SMYD1: variants seen among roughly 807,000 people sequenced by gnomAD.
SMYD1 encodes the protein SET and MYND domain containing 1, also known as histone-lysine N-methyltransferase SMYD1.
Under a neutral mutation model 54.0 loss-of-function variants are expected in SMYD1, and 49 were observed. The observed-to-expected ratio is 0.91, with a 90% confidence interval of 0.72 to 1.15. The LOEUF (loss-of-function observed/expected upper bound fraction) is 1.15, where lower values mean the gene tolerates loss of function less well. Ranked by LOEUF, SMYD1 falls within the 50% of genes most tolerant of loss-of-function variation. The pLI, the probability that SMYD1 is intolerant of heterozygous loss-of-function variation, is 0.00. For synonymous variants in SMYD1, 269 were observed against 234.2 expected (o/e 1.15, Z -1.36); for missense variants, 653 against 639.6 (o/e 1.02, Z -0.23).
chr2:88,070,714 C>G (rs1040701641), intron 1 of SMYD1, among the ~76,000 whole-genome samples: 1 of 151,728 alleles, frequency 6.6e-6, no homozygotes, highest in African/African-American at 2.4e-5. Context: ...GAGAACCAGG[C>G]GGGCGGATCA....
At chr2:88,104,171 T>C (rs1674798896) in intron 7 of SMYD1, among the ~76,000 whole-genome samples, 1 of 152,120 alleles carries the variant, frequency 6.6e-6, no homozygotes, top group South Asian at 2.1e-4. Context: ...TTTCACCATG[T>C]TAGCCAGGAT....
intron 2 of SMYD1, among the ~76,000 whole-genome samples, chr2:88,086,552 C>T (rs1359128215): frequency 2.0e-5 from 3 of 152,196 alleles, no homozygotes; most frequent in African/African-American, 7.2e-5. Context: ...CCTCTTCCCC[C>T]AGAGCCCCGC....
At chr2:88,076,932 G>A (rs2103980547) in intron 1 of SMYD1, among the ~76,000 whole-genome samples, 1 of 151,654 alleles carries the variant, frequency 6.6e-6, no homozygotes, top group South Asian at 2.1e-4. Flanking sequence ...GGGTCGCTTA[G>A]GCCCAGGAGT....
intron 1 of SMYD1, among the ~76,000 whole-genome samples, chr2:88,081,955 A>G (rs1674207483): frequency 6.6e-6 from 1 of 152,192 alleles, no homozygotes; most frequent in Non-Finnish European, 1.5e-5. Context: ...TCAGGAGTCC[A>G]GTTCCTGCTA....
At chr2:88,079,596 C>G (rs1573103935) in intron 1 of SMYD1, among the ~76,000 whole-genome samples, 1 of 152,116 alleles carries the variant, frequency 6.6e-6, no homozygotes, top group African/African-American at 2.4e-5. Flanking sequence ...CCAAGGTGGG[C>G]AGATCACGAG....
intron 1 of SMYD1, 108 bp from the exon 2 acceptor site, chr2:88,084,208 A>T: frequency 1.1e-6 from 1 of 910,716 alleles, no homozygotes; most frequent in Non-Finnish European, 1.6e-6. Flanking sequence ...AGTTTAGATA[A>T]ATAAGGACCA....
In SMYD1 at chr2:88,072,999, C is replaced by A. The variant is rs115924759; in HGVS notation, c.137+4998C>A. On this transcript the variant is annotated intron_variant, in intron 1 of 9. Coordinates refer to ENST00000419482, the MANE Select transcript of SMYD1 (RefSeq NM_198274.4). ...TGCTGAGGTTTGGGCTTCTAATAAT[C>A]TGCTTGCCCAGGTAGTGAACATGGT... is the stretch of plus-strand genomic sequence containing the variant. Among the ~76,000 whole-genome samples the A allele has an allele frequency of 6.0e-3, 908 of 152,242 alleles. 14 individuals carry two copies. Among genetic ancestry groups the A allele is most frequent in the African/African-American group, 0.021 (875 of 41,558 alleles).
chr2:88,110,269 G>A, intron 9 of SMYD1, 85 bp from the exon 10 acceptor site: 1 of 1,417,620 alleles, frequency 7.1e-7, no homozygotes, highest in South Asian at 1.4e-5. Context: ...TCCGTGGCTG[G>A]AAATAATTTA....
rs1401907208 is a variant in SMYD1, at chr2:88,110,461, G to A, written c.1422G>A (p.Met474Ile). 1 of 1,604,290 alleles carries A rather than the reference G, an allele frequency of 6.2e-7. No individual in the cohort carries two copies. Among genetic ancestry groups the A allele is most frequent in the Admixed American group, 1.7e-5 (1 of 58,742 alleles). ...AALNNQPMQV[M>I]AEPSNEPSPA... The stretch of plus-strand genomic sequence containing the variant: ...TGAACAACCAGCCCATGCAGGTCAT[G>A]GCCGAGCCCAGCAATGAGCCATCCC... Residue 474 changes from methionine to isoleucine, a missense_variant, in exon 10 of 10, where the codon ATG (methionine) becomes ATA (isoleucine). Met to Ile is a conservative substitution (Grantham distance 10, BLOSUM62 1). Transcript: ENST00000419482.
At chr2:88,082,362 T>C (rs1674218198) in intron 1 of SMYD1, among the ~76,000 whole-genome samples, 1 of 152,208 alleles carries the variant, frequency 6.6e-6, no homozygotes, top group Non-Finnish European at 1.5e-5. Flanking sequence ...GCAATACACC[T>C]CCTAGTGGAT....
At chr2:88,085,629 T>C (rs1674307543) in intron 2 of SMYD1, among the ~76,000 whole-genome samples, 1 of 152,204 alleles carries the variant, frequency 6.6e-6, no homozygotes. Flanking sequence ...CTGAAGTAAA[T>C]GGCACCTCCT....
At position 88,101,255 on chromosome 2, in the gene SMYD1, G is replaced by A. The variant is rs569166971; in HGVS notation, c.889-1803G>A. 1.7e-3 allele frequency among the ~76,000 whole-genome samples: 261 copies of A among 152,324 alleles called. 1 individual carries two copies. The highest frequency in any genetic ancestry group is 5.9e-3 in the African/African-American group (247 of 41,586). Reference sequence around the variant, plus strand: ...GTGGCTTCACAAAACAATGTAAACCGCAAATCGAAAGGAAGCTGTTGAGTC... The same window carrying A: ...GTGGCTTCACAAAACAATGTAAACCACAAATCGAAAGGAAGCTGTTGAGTC... On this transcript the variant is annotated intron_variant, in intron 6 of 9. Transcript: ENST00000419482.
At chr2:88,107,981 A>T (rs925121522) in intron 8 of SMYD1, among the ~76,000 whole-genome samples, 3 of 152,200 alleles carry the variant, frequency 2.0e-5, no homozygotes, top group African/African-American at 7.2e-5. Context: ...CCCCAGTGAG[A>T]TTAACCTGGT....
chr2:88,070,964 A>C (rs1434826764), intron 1 of SMYD1, among the ~76,000 whole-genome samples: 2 of 151,824 alleles, frequency 1.3e-5, no homozygotes, highest in East Asian at 1.9e-4. Flanking sequence ...AAAAAAAAAA[A>C]AAACAGTAAT....
chr2:88,096,551 G>A (rs1558855268), intron 5 of SMYD1, 44 bp from the exon 6 acceptor site: 2 of 1,535,192 alleles, frequency 1.3e-6, no homozygotes, highest in South Asian at 2.4e-5. Flanking sequence ...TCCCATTCCA[G>A]TAGGCCTGGA....
chr2:88,095,457 A>G (rs1674560974), intron 5 of SMYD1, among the ~76,000 whole-genome samples: 1 of 152,180 alleles, frequency 6.6e-6, no homozygotes, highest in Non-Finnish European at 1.5e-5. Context: ...TGCTCCCTTG[A>G]CTGTCACCTC....
At position 88,106,392 on chromosome 2, in the gene SMYD1, T is replaced by C. The variant is rs1165439054; in HGVS notation, c.1049T>C (p.Met350Thr). ...EPVFADTNIYMLRMLSIVSEV... is the reference protein window; with the variant it reads ...EPVFADTNIYTLRMLSIVSEV... ...GTGTTTGCTGACACCAACATCTACA[T>C]GCTGCGGATGCTGAGCATTGTTTCG... Residue 350 changes from methionine to threonine, a missense_variant, in exon 8 of 10, where the codon ATG becomes ACG. Physicochemically the swap from Met to Thr is moderately conservative, Grantham distance 81. Coordinates refer to ENST00000419482, the MANE Select transcript of SMYD1 (RefSeq NM_198274.4). 6.2e-6 allele frequency: 10 copies of C among 1,614,072 alleles called. No homozygotes were observed. In the Admixed American group the frequency reaches 6.7e-5, roughly 11 times the overall value.
chr2:88,067,833 A>AT lies in SMYD1; in HGVS notation c.-31dup. 6.2e-7 allele frequency: 1 copy of AT among 1,607,424 alleles called. No individual in the cohort carries two copies. The highest frequency in any genetic ancestry group is 8.5e-7 in the Non-Finnish European group (1 of 1,177,242). ...GACAAGAGACTTGGCTCAGTGTTAA[A>AT]TAACTGCCGCGCTGGCCTGACAGTC... On this transcript the variant is annotated 5_prime_UTR_variant, in exon 1 of 10. Coordinates refer to ENST00000419482, the MANE Select transcript of SMYD1 (RefSeq NM_198274.4).
Position 88,106,488 on chromosome 2 carries a change from T to A in SMYD1, c.1145T>A (p.Met382Lys). The A allele has an allele frequency of 6.2e-7, 1 of 1,612,172 alleles. No homozygotes were observed. The highest frequency in any genetic ancestry group is 8.5e-7 in the Non-Finnish European group (1 of 1,178,286). ...GCCAGGAGGATGGTGGACGGCTATA[T>A]GTAGGTGACGATTCTAGGTCTCAGA... ...FYARRMVDGYMKLYHPNNAQL... is the reference protein window; with the variant it reads ...FYARRMVDGYKKLYHPNNAQL... Residue 382 changes from methionine (M) to lysine (K), a missense_variant and splice_region_variant, in exon 8 of 10, where the codon ATG becomes AAG. Coordinates refer to ENST00000419482, the MANE Select transcript of SMYD1 (RefSeq NM_198274.4).
Sources: allele counts gnomAD v4.1 joint callset (sites outside exome capture counted in the v4.1 genomes callset), GRCh38; gene constraint gnomAD v4.1.1; transcripts MANE v1.5; gene names NCBI Gene and HGNC (gene_info 2026-07-23, HGNC 2026-07-21).